Variants in GRIN2B observed in about 807,000 individuals in gnomAD.
The protein encoded by GRIN2B is glutamate ionotropic receptor NMDA type subunit 2B.
A neutral mutation model predicts 114.5 loss-of-function variants in GRIN2B; 5 were observed. That is an observed-to-expected ratio of 0.04 (90% CI 0.02 to 0.09). GRIN2B has a LOEUF of 0.09. Ranked by LOEUF, GRIN2B falls within the 10% of genes least tolerant of loss-of-function variation. The probability of loss-of-function intolerance (pLI) is 1.00; values close to 1 mark genes in which losing one functional copy is unlikely to be tolerated. For synonymous variants in GRIN2B, 787 were observed against 745.1 expected, an observed-to-expected ratio of 1.06 and a Z score of -0.92; for missense variants, 1,108 against 1,943.5, an observed-to-expected ratio of 0.57 and a Z score of 8.08.
chr12:13,951,273 T>C (rs1357122919), intron 2 of GRIN2B, among the ~76,000 whole-genome samples: 1 of 152,182 alleles, frequency 6.6e-6, no homozygotes, highest in Non-Finnish European at 1.5e-5. Context: ...GAACCTCCTG[T>C]ATGCAGACTG....
chr12:13,724,511 G>A (rs1862941922), intron 4 of GRIN2B, among the ~76,000 whole-genome samples: 1 of 152,064 alleles, frequency 6.6e-6, no homozygotes, highest in African/African-American at 2.4e-5. Flanking sequence ...TAGGGGATGA[G>A]GTGACAAATG....
intron 10 of GRIN2B, among the ~76,000 whole-genome samples, chr12:13,587,795 T>C (rs1051458397): frequency 1.3e-5 from 2 of 152,208 alleles, no homozygotes; most frequent in African/African-American, 4.8e-5. Context: ...GCTGAAGAAA[T>C]AGTATTACTG....
intron 2 of GRIN2B, among the ~76,000 whole-genome samples, chr12:13,952,548 C>T (rs1236755518): frequency 4.6e-5 from 7 of 152,134 alleles, no homozygotes; most frequent in South Asian, 2.1e-4. Context: ...TGCATTCCTC[C>T]GGTGAGAACC....
chr12:13,576,701 A>C (rs2136421753), intron 10 of GRIN2B, among the ~76,000 whole-genome samples: 1 of 152,086 alleles, frequency 6.6e-6, no homozygotes, highest in South Asian at 2.1e-4. Context: ...TACACATGTG[A>C]GCAACCACAC....
At chr12:13,846,713 G>A (rs922405934) in intron 3 of GRIN2B, among the ~76,000 whole-genome samples, 5 of 152,184 alleles carry the variant, frequency 3.3e-5, no homozygotes, top group African/African-American at 1.2e-4. Flanking sequence ...ATGACAGGGA[G>A]GAATGAATGA....
chr12:13,971,454 C>A (rs1862911888), intron 2 of GRIN2B, among the ~76,000 whole-genome samples: 1 of 152,092 alleles, frequency 6.6e-6, no homozygotes, highest in Non-Finnish European at 1.5e-5. Context: ...ATTAAAGTTA[C>A]AGTCAGAGAA....
chr12:13,845,068 A>C (rs2136719986), intron 3 of GRIN2B, among the ~76,000 whole-genome samples: 1 of 152,250 alleles, frequency 6.6e-6, no homozygotes, highest in South Asian at 2.1e-4. Flanking sequence ...TGAGGAGTAA[A>C]GGGGCTGACT....
intron 2 of GRIN2B, among the ~76,000 whole-genome samples, chr12:13,872,760 TG>T (rs2136755506): frequency 6.6e-6 from 1 of 152,310 alleles, no homozygotes; most frequent in African/African-American, 2.4e-5. Context: ...AGCCTTTACC[TG>T]GTGGGTACAT....
chr12:13,865,725 T>C (rs1484207171), intron 3 of GRIN2B, 73 bp downstream of exon 3: 2 of 1,263,986 alleles, frequency 1.6e-6, no homozygotes, highest in East Asian at 2.3e-5. Flanking sequence ...AATCAAGTTT[T>C]ACAGGAAAAC....
At chr12:13,697,092 G>A (rs1950267124) in intron 4 of GRIN2B, among the ~76,000 whole-genome samples, 4 of 152,046 alleles carry the variant, frequency 2.6e-5, no homozygotes, top group Admixed American at 2.0e-4. Context: ...ATCAGGCCCT[G>A]CTTGATGAGG....
At chr12:13,819,117 G>A (rs1864883545) in intron 3 of GRIN2B, among the ~76,000 whole-genome samples, 1 of 152,176 alleles carries the variant, frequency 6.6e-6, no homozygotes, top group African/African-American at 2.4e-5. Flanking sequence ...AATCTGACAA[G>A]TGTCTTTATA....
chr12:13,918,891 T>C (rs755851968), intron 2 of GRIN2B, among the ~76,000 whole-genome samples: 2 of 152,242 alleles, frequency 1.3e-5, no homozygotes, highest in Non-Finnish European at 2.9e-5. Context: ...GCTTTCTTTG[T>C]CTAGGATCCT....
rs112584272 is a variant in GRIN2B, at chr12:13,597,318, G to T, written c.2010+11285C>A. On this transcript the variant is annotated intron_variant, in intron 10 of 13. Coordinates refer to ENST00000609686, the MANE Select transcript of GRIN2B (RefSeq NM_000834.5). ...GATCAAAAAGAAAAAACCTGGGCCT[G>T]GGGGCAGGGAACCTAAAGCCAATTA... Among the ~76,000 whole-genome samples, 221 of 152,260 alleles carry T rather than the reference G, an allele frequency of 1.5e-3. 1 individual carries two copies. Among genetic ancestry groups the T allele is most frequent in the African/African-American group, 5.0e-3 (208 of 41,556 alleles).
chr12:13,607,352 A>T lies in GRIN2B; in HGVS notation c.2010+1251T>A, dbSNP rs189317292. Among the ~76,000 whole-genome samples the T allele has an allele frequency of 7.7e-4, 23 of 29,788 alleles. 1 individual carries two copies. The highest frequency in any genetic ancestry group is 0.038 in the Middle Eastern group (2 of 52). 19.5% of individuals were successfully genotyped at this position (29,788 alleles called of 152,430 possible). Reference sequence around the variant, plus strand: ...AATATATATTATATATAATATATAAAATATATAATATATATTATATATTAT... The same window carrying T: ...AATATATATTATATATAATATATAATATATATAATATATATTATATATTAT... On this transcript the variant is annotated intron_variant, in intron 10 of 13. Transcript: ENST00000609686.
intron 4 of GRIN2B, among the ~76,000 whole-genome samples, chr12:13,713,095 T>C (rs1425224531): frequency 6.6e-6 from 1 of 151,894 alleles, no homozygotes; most frequent in African/African-American, 2.4e-5. Context: ...AGGATAGAAG[T>C]AATTTTAAAG....
At position 13,899,454 on chromosome 12, in the gene GRIN2B, T is replaced by C. The variant is rs1336850557; in HGVS notation, c.-18-33228A>G. On this transcript the variant is annotated intron_variant, in intron 2 of 13. Coordinates refer to ENST00000609686, the MANE Select transcript of GRIN2B (RefSeq NM_000834.5). Reference sequence around the variant, plus strand: ...TCGGGGAGGTACCTTATGTAAGCCATGTTCAACCCAAATGAAAATGAAAAT... The same window carrying C: ...TCGGGGAGGTACCTTATGTAAGCCACGTTCAACCCAAATGAAAATGAAAAT... 1.9e-5 allele frequency among the ~76,000 whole-genome samples: 2 copies of C among 106,786 alleles called. 1 individual carries two copies. The highest frequency in any genetic ancestry group is 1.8e-4 in the Admixed American group (2 of 11,382). The allele number at this position is 106,786 out of a possible 152,430, so 70.1% of individuals were successfully genotyped here.
rs1313454122 is a variant in GRIN2B at position 13,553,223 on chromosome 12, C to T, written c.*9560G>A. 6.6e-6 allele frequency: 1 copy of T among 152,126 alleles called. No homozygotes were observed. Among genetic ancestry groups the T allele is most frequent in the East Asian group, 1.9e-4 (1 of 5,196 alleles). The allele number at this position is 152,126 out of a possible 1,614,324, so 9.4% of individuals were successfully genotyped here. A position where few individuals can be genotyped will look rare whatever the true frequency, so the allele number is the denominator to read the frequency against. ...GGAGGAGGAAGGGTTAACAGGGCTTCAAGAATACAGGGACCAGAGGATAAG... is the reference window on the plus strand; with the variant it reads ...GGAGGAGGAAGGGTTAACAGGGCTTTAAGAATACAGGGACCAGAGGATAAG... On this transcript the variant is annotated 3_prime_UTR_variant, in exon 14 of 14. Coordinates refer to ENST00000609686, the MANE Select transcript of GRIN2B (RefSeq NM_000834.5).
chr12:13,932,581 C>T (rs1397567008), intron 2 of GRIN2B, among the ~76,000 whole-genome samples: 1 of 152,140 alleles, frequency 6.6e-6, no homozygotes, highest in Non-Finnish European at 1.5e-5. Flanking sequence ...ATGTATTAAG[C>T]ATTCAAAAAA....
At chr12:13,855,607 A>G (rs949709013) in intron 3 of GRIN2B, among the ~76,000 whole-genome samples, 1 of 151,982 alleles carries the variant, frequency 6.6e-6, no homozygotes, top group Non-Finnish European at 1.5e-5. Context: ...TAGCTCAACA[A>G]CTACCACCTC....
Sources: allele counts gnomAD v4.1 joint callset (sites outside exome capture counted in the v4.1 genomes callset), GRCh38; gene constraint gnomAD v4.1.1; transcripts MANE v1.5; gene names NCBI Gene and HGNC (gene_info 2026-07-23, HGNC 2026-07-21).